The following TAF1B variants were observed in gnomAD, a reference collection of about 807,000 sequenced individuals.
The protein encoded by TAF1B is TATA box-binding protein-associated factor RNA polymerase I subunit B.
In TAF1B, 61 loss-of-function variants were observed where a neutral mutation model predicts 83.9. The observed-to-expected ratio is 0.73, with a 90% confidence interval of 0.59 to 0.90. The LOEUF (loss-of-function observed/expected upper bound fraction) is 0.90, where lower values mean the gene tolerates loss of function less well. TAF1B is among the 40% of genes least tolerant of loss of function. The pLI is 0.00. For synonymous variants in TAF1B, 221 were observed against 224.6 expected (o/e 0.98, Z 0.14); for missense variants, 625 against 677.0 (o/e 0.92, Z 0.85).
intron 8 of TAF1B, among the ~76,000 whole-genome samples, chr2:9,888,685 C>T (rs1664752079): frequency 1.3e-5 from 2 of 150,222 alleles, no homozygotes; most frequent in Admixed American, 6.7e-5. Context: ...TATAATGTGC[C>T]TTTTTTCCTT....
intron 14 of TAF1B, among the ~76,000 whole-genome samples, chr2:9,930,012 C>T (rs546494924): frequency 6.6e-6 from 1 of 152,288 alleles, no homozygotes; most frequent in South Asian, 2.1e-4. Flanking sequence ...GTTTGTATTT[C>T]TGTGGGATCG....
chr2:9,905,123 A>G, intron 9 of TAF1B, 117 bp downstream of exon 9: 1 of 764,194 alleles, frequency 1.3e-6, no homozygotes, highest in Admixed American at 2.8e-5. Context: ...CCATGGTTAC[A>G]TGAAACTTAA....
intron 1 of TAF1B, chr2:9,843,816 T>C: frequency 2.4e-6 from 1 of 413,024 alleles, no homozygotes; most frequent in Non-Finnish European, 4.3e-6. Context: ...GTTATGGGTG[T>C]GTTTAAGGAT....
In TAF1B at chr2:9,895,813, C is replaced by CTTTTT. The variant is rs34044860; in HGVS notation, c.808-9027_808-9023dup. Among the ~76,000 whole-genome samples, 58 of 112,396 alleles carry CTTTTT rather than the reference C, an allele frequency of 5.2e-4. 1 individual carries two copies. The highest frequency in any genetic ancestry group is 7.1e-4 in the Non-Finnish European group (40 of 56,578). 73.7% of individuals were successfully genotyped at this position (112,396 alleles called of 152,430 possible). ...ATAAGTAAGGGTGAGGCACTGCACT[C>CTTTTT]TTTTTTTTTTTTTTTTTTTTTTTAA... On this transcript the variant is annotated intron_variant, in intron 8 of 14. Transcript: ENST00000263663.
At chr2:9,857,214 T>C (rs1039397219) in intron 5 of TAF1B, among the ~76,000 whole-genome samples, 1 of 152,188 alleles carries the variant, frequency 6.6e-6, no homozygotes, top group Non-Finnish European at 1.5e-5. Flanking sequence ...CCAAGACCAG[T>C]TGAATGCAGA....
At chr2:9,886,760 T>G (rs963596553) in intron 8 of TAF1B, among the ~76,000 whole-genome samples, 2 of 152,190 alleles carry the variant, frequency 1.3e-5, no homozygotes, top group Non-Finnish European at 2.9e-5. Flanking sequence ...CCTAGCTCAT[T>G]CCTTCAGTTA....
chr2:9,908,028 CTTTTTTTT>C (rs57261740), intron 9 of TAF1B, among the ~76,000 whole-genome samples: 18,948 of 71,874 alleles, frequency 0.26, 4,845 homozygotes, highest in Non-Finnish European at 0.32. Flanking sequence ...GATCTTAATT[CTTTTTTTT>C]TTTTTTTTTT....
intron 12 of TAF1B, among the ~76,000 whole-genome samples, chr2:9,916,834 G>GTTGTTTTTTTTT (rs1572282272): frequency 1.3e-4 from 6 of 44,848 alleles, no homozygotes; most frequent in African/African-American, 2.7e-4. Flanking sequence ...TTTCCTTTCT[G>GTTGTTTTTTTTT]TTCTTTTTTT....
rs139934772 is a variant in TAF1B at position 9,875,066 on chromosome 2, A to G, written c.554-799A>G. ...CACTGCAACCTCCCAGGTTCAAGCA[A>G]TTATCCTGTCTCAGCCTCCCAAGTA... On this transcript the variant is annotated intron_variant, in intron 6 of 14. Coordinates refer to ENST00000263663, the MANE Select transcript of TAF1B (RefSeq NM_005680.3). Among the ~76,000 whole-genome samples, 717 of 152,138 alleles carry G rather than the reference A, an allele frequency of 4.7e-3. 4 individuals carry two copies. The highest frequency in any genetic ancestry group is 0.016 in the African/African-American group (678 of 41,500).
At chr2:9,923,673 CTG>C (rs1665948766) in intron 14 of TAF1B, among the ~76,000 whole-genome samples, 1 of 122,430 alleles carries the variant, frequency 8.2e-6, no homozygotes, top group Non-Finnish European at 2.0e-5. Flanking sequence ...GAGCGAAACT[CTG>C]TCTCAAAAAA....
At position 9,873,808 on chromosome 2, in the gene TAF1B, A is replaced by G. The variant is rs1190006460; in HGVS notation, c.554-2057A>G. 3.3e-5 allele frequency among the ~76,000 whole-genome samples: 5 copies of G among 151,902 alleles called. No individual in the cohort carries two copies. In the East Asian group the frequency reaches 7.7e-4, roughly 23 times the overall value. On this transcript the variant is annotated intron_variant, in intron 6 of 14. Transcript: ENST00000263663. Reference sequence around the variant, plus strand: ...ATCTAGAATGCAACCATTTCTCACCAGCTGCAATGCTACCGCTCCAGTCCA... The same window carrying G: ...ATCTAGAATGCAACCATTTCTCACCGGCTGCAATGCTACCGCTCCAGTCCA...
At chr2:9,863,599 A>G (rs1471448539) in intron 5 of TAF1B, among the ~76,000 whole-genome samples, 1 of 152,232 alleles carries the variant, frequency 6.6e-6, no homozygotes, top group African/African-American at 2.4e-5. Flanking sequence ...AAGTGGACCT[A>G]ATAGACATCT....
chr2:9,845,484 A>G, intron 2 of TAF1B, 166 bp downstream of exon 2: 2 of 520,442 alleles, frequency 3.8e-6, no homozygotes, highest in Non-Finnish European at 6.9e-6. Context: ...AGGTTAAGGG[A>G]TTTGTGAATT....
At chr2:9,907,490 C>A (rs1665381617) in intron 9 of TAF1B, among the ~76,000 whole-genome samples, 2 of 151,936 alleles carry the variant, frequency 1.3e-5, no homozygotes, top group Non-Finnish European at 2.9e-5. Flanking sequence ...CAATAGCCGC[C>A]CCTCCTCAAC....
intron 5 of TAF1B, among the ~76,000 whole-genome samples, chr2:9,856,283 G>T (rs911433084): frequency 5.9e-5 from 9 of 151,662 alleles, no homozygotes; most frequent in African/African-American, 1.9e-4. Flanking sequence ...AGTTGTGGGG[G>T]CCAACCTGAG....
chr2:9,919,494 A>C, intron 13 of TAF1B, 104 bp from the exon 14 acceptor site: 1 of 1,042,550 alleles, frequency 9.6e-7, no homozygotes, highest in Admixed American at 2.2e-5. Flanking sequence ...CATCTGCGAA[A>C]ACTAAGGAAC....
rs1665291698 is a variant in TAF1B at position 9,904,831 on chromosome 2, A to G, written c.808-28A>G. 2.5e-6 allele frequency: 4 copies of G among 1,586,698 alleles called. No homozygotes were observed. The Admixed American group carries it at 7.6e-5, about 30-fold the overall frequency. ...AAATAAGTTTTGTTGCAAAAATTGC[A>G]ACTATGATGGTCTCTCTTTTATTTC... On this transcript the variant is annotated intron_variant, in intron 8 of 14. Transcript: ENST00000263663.
At chr2:9,844,720 T>C (rs1420309940) in intron 1 of TAF1B, among the ~76,000 whole-genome samples, 1 of 151,410 alleles carries the variant, frequency 6.6e-6, no homozygotes, top group Non-Finnish European at 1.5e-5. Flanking sequence ...TCTGTTTTGC[T>C]CACCATTGAA....
chr2:9,905,834 T>G (rs189569115), intron 9 of TAF1B, among the ~76,000 whole-genome samples: 2 of 152,136 alleles, frequency 1.3e-5, no homozygotes, highest in Non-Finnish European at 2.9e-5. Context: ...TAGTAACATA[T>G]ATAAATGTAA....
Sources: allele counts gnomAD v4.1 joint callset (sites outside exome capture counted in the v4.1 genomes callset), GRCh38; gene constraint gnomAD v4.1.1; transcripts MANE v1.5; gene names NCBI Gene and HGNC (gene_info 2026-07-23, HGNC 2026-07-21).